Variants in ELAPOR2 observed in about 807,000 individuals in gnomAD.
ELAPOR2 encodes endosome-lysosome associated apoptosis and autophagy regulator family member 2.
Under a neutral mutation model 120.7 loss-of-function variants are expected in ELAPOR2, and 89 were observed. That is an observed-to-expected ratio of 0.74 (90% CI 0.62 to 0.88). The LOEUF (loss-of-function observed/expected upper bound fraction) is 0.88. Among genes scored for constraint, ELAPOR2 ranks in the 40% least tolerant of loss-of-function variants. ELAPOR2 has a pLI of 0.00. For missense variants in ELAPOR2, 1,134 were observed against 1,251.6 expected (o/e 0.91, Z 1.42); for synonymous variants, 444 against 444.9 (o/e 1.00, Z 0.03).
intron 1 of ELAPOR2, among the ~76,000 whole-genome samples, chr7:87,015,220 A>T (rs978077600): frequency 6.6e-6 from 1 of 152,186 alleles, no homozygotes; most frequent in Non-Finnish European, 1.5e-5. Context: ...ATTTTATCAA[A>T]ACAATCTTTA....
At chr7:86,955,115 C>G (rs1057273135) in intron 2 of ELAPOR2, among the ~76,000 whole-genome samples, 1 of 152,098 alleles carries the variant, frequency 6.6e-6, no homozygotes, top group Non-Finnish European at 1.5e-5. Flanking sequence ...AGAGACTGAA[C>G]AGCATATTGA....
intron 1 of ELAPOR2, among the ~76,000 whole-genome samples, chr7:86,999,019 T>C (rs1793220729): frequency 6.6e-6 from 1 of 151,988 alleles, no homozygotes; most frequent in Admixed American, 6.6e-5. Context: ...ATATATTAGG[T>C]AAAGAAAAAA....
At chr7:87,031,417 T>C (rs10251861) in intron 1 of ELAPOR2, among the ~76,000 whole-genome samples, 32,593 of 152,044 alleles carry the variant, frequency 0.21, 3,717 homozygotes, top group African/African-American at 0.27. Flanking sequence ...GAGATCCACA[T>C]TTCTCACCTG....
chr7:86,944,790 ACAC>A, intron 4 of ELAPOR2, 106 bp downstream of exon 4: 1 of 856,836 alleles, frequency 1.2e-6, no homozygotes, highest in Non-Finnish European at 1.7e-6. Flanking sequence ...TAACACACAC[ACAC>A]AAAAAAAAAA....
intron 2 of ELAPOR2, among the ~76,000 whole-genome samples, chr7:86,953,639 CTGT>C (rs1327674168): frequency 6.6e-6 from 1 of 152,150 alleles, no homozygotes; most frequent in African/African-American, 2.4e-5. Flanking sequence ...TTATTAATAG[CTGT>C]TGTTAACTGT....
intron 1 of ELAPOR2, among the ~76,000 whole-genome samples, chr7:86,979,208 G>GT (rs1293819926): frequency 6.6e-6 from 1 of 152,128 alleles, no homozygotes; most frequent in Non-Finnish European, 1.5e-5. Flanking sequence ...GCCACAAGAG[G>GT]TAATATAATT....
chr7:87,021,931 G>C (rs1200675055), intron 1 of ELAPOR2, among the ~76,000 whole-genome samples: 2 of 152,212 alleles, frequency 1.3e-5, no homozygotes, highest in East Asian at 1.9e-4. Flanking sequence ...TTGAGCTTTT[G>C]CCAGCTCAGA....
chr7:86,968,694 A>T (rs1240544202), intron 1 of ELAPOR2, among the ~76,000 whole-genome samples: 1 of 152,034 alleles, frequency 6.6e-6, no homozygotes, highest in Non-Finnish European at 1.5e-5. Context: ...AGCATGCTTC[A>T]CAATTTTTCC....
At chr7:86,894,011 G>A (rs1266734723) in intron 19 of ELAPOR2, among the ~76,000 whole-genome samples, 1 of 151,850 alleles carries the variant, frequency 6.6e-6, no homozygotes, top group South Asian at 2.1e-4. Context: ...TAAACTTTCT[G>A]GTATATGATG....
chr7:87,016,242 G>A (rs1161612368), intron 1 of ELAPOR2, among the ~76,000 whole-genome samples: 1 of 152,098 alleles, frequency 6.6e-6, no homozygotes, highest in African/African-American at 2.4e-5. Flanking sequence ...TCTGTTTTCA[G>A]AATGAGATTA....
intron 1 of ELAPOR2, among the ~76,000 whole-genome samples, chr7:87,044,897 A>C (rs1281091948): frequency 6.1e-5 from 9 of 148,338 alleles, no homozygotes; most frequent in African/African-American, 1.8e-4. Context: ...CAATGAACTC[A>C]AACAAATCTA....
intron 1 of ELAPOR2, among the ~76,000 whole-genome samples, chr7:87,049,592 A>G (rs554206729): frequency 2.2e-4 from 34 of 152,244 alleles, no homozygotes; most frequent in Non-Finnish European, 2.9e-4. Flanking sequence ...TTAAATAGGT[A>G]GCCAGGGAAA....
At chr7:87,055,092 A>C (rs1326308852) in intron 1 of ELAPOR2, among the ~76,000 whole-genome samples, 1 of 152,156 alleles carries the variant, frequency 6.6e-6, no homozygotes, top group African/African-American at 2.4e-5. Context: ...AATGTCTTCC[A>C]TTCAAGTTAT....
chr7:86,930,570 A>G (rs1377444255), intron 8 of ELAPOR2, among the ~76,000 whole-genome samples: 1 of 151,968 alleles, frequency 6.6e-6, no homozygotes, highest in African/African-American at 2.4e-5. Flanking sequence ...TTAAAAGGCA[A>G]ATAAAATATA....
At chr7:86,921,891 A>G (rs1218901888) in intron 10 of ELAPOR2, among the ~76,000 whole-genome samples, 1 of 152,142 alleles carries the variant, frequency 6.6e-6, no homozygotes, top group African/African-American at 2.4e-5. Flanking sequence ...CTGCTATCCA[A>G]TTGAGAAATA....
At chr7:86,910,082 A>C (rs1308409210) in intron 15 of ELAPOR2, 81 bp from the exon 16 acceptor site, 3 of 1,078,946 alleles carry the variant, frequency 2.8e-6, no homozygotes, top group African/African-American at 1.6e-5. Context: ...GTGACCCTAG[A>C]AGAGCAGTGG....
At chr7:87,059,241 A>G in intron 1 of ELAPOR2, 84 bp downstream of exon 1, 1 of 1,236,888 alleles carries the variant, frequency 8.1e-7, no homozygotes. Context: ...GATGGCAAAC[A>G]GAAATAAACA....
At chr7:86,931,287 T>C (rs974826239) in intron 8 of ELAPOR2, among the ~76,000 whole-genome samples, 1 of 151,900 alleles carries the variant, frequency 6.6e-6, no homozygotes, top group Non-Finnish European at 1.5e-5. Flanking sequence ...AATATGGAAA[T>C]GATAGCTGCT....
At chr7:86,986,252 A>G (rs1583952248) in intron 1 of ELAPOR2, among the ~76,000 whole-genome samples, 1 of 117,102 alleles carries the variant, frequency 8.5e-6, no homozygotes, top group African/African-American at 4.0e-5. Context: ...AAATGGTGAA[A>G]CCCCGTCTCT....
Sources: gnomAD v4.1 joint callset for allele counts (sites outside exome capture counted in the v4.1 genomes callset) on GRCh38, gnomAD v4.1.1 for gene constraint, MANE v1.5 for transcripts, NCBI Gene and HGNC (gene_info 2026-07-23, HGNC 2026-07-21) for gene names.